The following NCR1 variants were observed in gnomAD, a reference collection of about 807,000 sequenced individuals.
NCR1 encodes NK cell-activating receptor.
In NCR1, 30 loss-of-function variants were observed where a neutral mutation model predicts 32.5. That is an observed-to-expected ratio of 0.92 (90% confidence interval 0.69 to 1.25). The LOEUF is 1.25. Ranked by LOEUF, NCR1 falls within the 50% of genes most tolerant of loss-of-function variation. NCR1 has a pLI of 0.00. For missense variants in NCR1, 369 were observed against 380.7 expected (o/e 0.97, Z 0.26); for synonymous variants, 169 against 143.4 (o/e 1.18, Z -1.28).
downstream of NCR1, among the ~76,000 whole-genome samples, chr19:54,915,184 C>T (rs1267434652): frequency 6.6e-6 from 1 of 152,070 alleles, no homozygotes; most frequent in African/African-American, 2.4e-5. Context: ...TGGCTGCATT[C>T]ACAGCTCCCG....
At chr19:54,918,560 G>A (rs958724687), downstream of NCR1, among the ~76,000 whole-genome samples, 4 of 151,972 alleles carry the variant, frequency 2.6e-5, no homozygotes, top group South Asian at 2.1e-4. Context: ...AGGCGTGAGC[G>A]ACCACACTGG....
the NCR1 span, among the ~76,000 whole-genome samples, chr19:54,929,133 T>C: frequency 4.5e-4 from 68 of 151,704 alleles, 2 homozygotes; most frequent in South Asian, 0.011. Context: ...CTTTGGGAGG[T>C]TGAGGCAGGT....
At chr19:54,922,778 C>CAAAA in the NCR1 span, among the ~76,000 whole-genome samples, 292 of 39,364 alleles carry the variant, frequency 7.4e-3, 22 homozygotes, top group South Asian at 8.9e-3. Flanking sequence ...AACTCCGTCT[C>CAAAA]AAAAAAAAAA....
upstream of NCR1, among the ~76,000 whole-genome samples, chr19:54,903,435 C>T (rs1569535629): frequency 1.6e-4 from 21 of 134,930 alleles, no homozygotes; most frequent in Admixed American, 8.0e-4. Context: ...TGTATACACG[C>T]ATACATGTAT....
the NCR1 span, among the ~76,000 whole-genome samples, chr19:54,928,179 C>T: frequency 1.1e-4 from 17 of 152,164 alleles, no homozygotes; most frequent in Non-Finnish European, 1.6e-4. Flanking sequence ...CAGATTGCGC[C>T]ACTGCACTCC....
downstream of NCR1, among the ~76,000 whole-genome samples, chr19:54,915,121 C>T (rs2068107756): frequency 6.6e-6 from 1 of 152,120 alleles, no homozygotes; most frequent in East Asian, 1.9e-4. Flanking sequence ...CATGCATGTC[C>T]ATTTTCCTGC....
downstream of NCR1, among the ~76,000 whole-genome samples, chr19:54,919,522 T>C (rs1490378211): frequency 1.3e-5 from 2 of 152,204 alleles, no homozygotes; most frequent in Non-Finnish European, 2.9e-5. Context: ...AATTTACTAC[T>C]GCTATCTAGA....
intron 4 of NCR1, 85 bp from the exon 5 acceptor site, chr19:54,909,933 T>TAAA: frequency 2.1e-6 from 1 of 482,074 alleles, no homozygotes; most frequent in Non-Finnish European, 3.1e-6. Flanking sequence ...AGACTCCATC[T>TAAA]CAAAAAAAAA....
upstream of NCR1, among the ~76,000 whole-genome samples, chr19:54,901,291 G>C (rs926954693): frequency 1.4e-5 from 2 of 142,402 alleles, no homozygotes; most frequent in Admixed American, 7.4e-5. Context: ...AACCCCGGAG[G>C]CAGAGCTTGC....
the NCR1 span, chr19:54,927,535 G>C: frequency 6.7e-7 from 1 of 1,500,188 alleles, no homozygotes; most frequent in East Asian, 2.3e-5. Context: ...CAGCCTGAAT[G>C]ACAGAGCACG....
upstream of NCR1, among the ~76,000 whole-genome samples, chr19:54,903,338 A>T (rs901902385): frequency 7.5e-6 from 1 of 133,636 alleles, no homozygotes; most frequent in South Asian, 2.2e-4. Context: ...ACATGTATGT[A>T]TATACATATA....
At chr19:54,935,649 G>A in the NCR1 span, among the ~76,000 whole-genome samples, 17 of 150,158 alleles carry the variant, frequency 1.1e-4, no homozygotes, top group Middle Eastern at 6.9e-3. Context: ...ACGAGATCGC[G>A]CCACTGCGCT....
the NCR1 span, among the ~76,000 whole-genome samples, chr19:54,922,788 AAC>A: frequency 0.13 from 6,572 of 50,752 alleles, 601 homozygotes; most frequent in African/African-American, 0.2. Context: ...CAAAAAAAAA[AAC>A]AAAAAAAAAA....
the NCR1 span, among the ~76,000 whole-genome samples, chr19:54,932,979 C>G: frequency 6.6e-6 from 1 of 152,124 alleles, no homozygotes; most frequent in Non-Finnish European, 1.5e-5. Context: ...ATAACTCAAT[C>G]TACCTCCAAT....
chr19:54,930,427 A>T, the NCR1 span: 1 of 1,057,484 alleles, frequency 9.5e-7, no homozygotes, highest in Non-Finnish European at 1.4e-6. Context: ...ACCCCACTGC[A>T]CTCCAGGCTG....
chr19:54,906,769 G>T lies in NCR1; in HGVS notation c.317G>T (p.Trp106Leu). The change falls in exon 3 of 7, where the codon TGG becomes TTG. Residue 106 changes from tryptophan (W) to leucine (L), a missense_variant. Trp to Leu is a moderately conservative substitution (Grantham distance 61). Transcript: ENST00000291890. ...TGCATCTATCGGGTTGGGGAGCTCT[G>T]GTCAGAGCCCAGCAACTTGCTGGAT... The part of the protein sequence containing the change: ...YSCIYRVGEL[W>L]SEPSNLLDLV... The T allele has an allele frequency of 6.2e-7, 1 of 1,614,192 alleles. No individual in the cohort carries two copies.
chr19:54,907,250 G>A (rs2067680571), intron 3 of NCR1, among the ~76,000 whole-genome samples: 1 of 151,014 alleles, frequency 6.6e-6, no homozygotes, highest in Non-Finnish European at 1.5e-5. Flanking sequence ...CCACCTCCTG[G>A]GTTCAAGTGA....
At chr19:54,900,527 C>A in the NCR1 span, among the ~76,000 whole-genome samples, 3 of 151,924 alleles carry the variant, frequency 2.0e-5, no homozygotes, top group Non-Finnish European at 4.4e-5. Context: ...AGGCAGGAAC[C>A]GGCCATCTGG....
At chr19:54,935,572 T>C in the NCR1 span, among the ~76,000 whole-genome samples, 1 of 138,252 alleles carries the variant, frequency 7.2e-6, no homozygotes, top group Non-Finnish European at 1.6e-5. Flanking sequence ...GGTGCACGCC[T>C]GTAACCCCAG....
Sources: gnomAD v4.1 joint callset for allele counts (sites outside exome capture counted in the v4.1 genomes callset) on GRCh38, gnomAD v4.1.1 for gene constraint, MANE v1.5 for transcripts, NCBI Gene and HGNC (gene_info 2026-07-23, HGNC 2026-07-21) for gene names.